MRC2: variants seen among roughly 807,000 people sequenced by gnomAD.
The protein encoded by MRC2 is C-type mannose receptor 2.
Under a neutral mutation model 206.2 loss-of-function variants are expected in MRC2, and 84 were observed. The ratio of observed to expected loss-of-function variants is 0.41; its 90% confidence interval spans 0.34 to 0.49. MRC2 has a LOEUF of 0.49. Ranked by LOEUF, MRC2 falls within the 20% of genes least tolerant of loss-of-function variation. The probability of loss-of-function intolerance (pLI) is 0.31; values close to 1 mark genes in which losing one functional copy is unlikely to be tolerated. For missense variants in MRC2, 1,676 were observed against 2,001.5 expected (o/e 0.84, Z 3.10); for synonymous variants, 798 against 800.0 (o/e 1.00, Z 0.04).
At chr17:62,630,257 C>T (rs1338018487) in intron 1 of MRC2, among the ~76,000 whole-genome samples, 1 of 152,218 alleles carries the variant, frequency 6.6e-6, no homozygotes, top group Non-Finnish European at 1.5e-5. Flanking sequence ...CCACGCTCAA[C>T]CCTTCATGTG....
Position 62,664,098 on chromosome 17 carries a change from T to C in MRC2, c.119-450T>C, listed in dbSNP as rs371535806. On this transcript the variant is annotated intron_variant, in intron 1 of 29. Transcript: ENST00000303375. The surrounding 1 kb of genome is among the most constrained non-coding windows in gnomAD (Gnocchi z 4.7). The stretch of plus-strand genomic sequence containing the variant: ...CCTCAGCCTCCCAAGTAGCTGGGAC[T>C]ACAGGCGCCCGCCACTACGCCCGGC... 1.4e-3 allele frequency among the ~76,000 whole-genome samples: 215 copies of C among 150,906 alleles called. 5 individuals are homozygous for C. The East Asian group carries it at 0.041, about 29-fold the overall frequency.
chr17:62,688,494 A>T lies in MRC2; in HGVS notation c.3062-7A>T, dbSNP rs774968718. 2 of 1,614,180 alleles carry T rather than the reference A, an allele frequency of 1.2e-6. No individual in the cohort carries two copies. The highest frequency in any genetic ancestry group is 2.2e-5 in the South Asian group (2 of 91,082). ...AGTCACTCACAACTGTCTTCTGGGG[A>T]CCATAGCATTCATCACAGCCAGCCT... is the stretch of plus-strand genomic sequence containing the variant. On this transcript the variant is annotated splice_region_variant and splice_polypyrimidine_tract_variant and intron_variant, in intron 21 of 29. Transcript: ENST00000303375.
intron 1 of MRC2, among the ~76,000 whole-genome samples, chr17:62,649,163 G>A (rs1310507458): frequency 6.6e-6 from 1 of 152,254 alleles, no homozygotes; most frequent in Non-Finnish European, 1.5e-5. Flanking sequence ...CTCCACCATG[G>A]TGCCTCCTGG....
rs1351092594 is a variant in MRC2 at position 62,689,620 on chromosome 17, C to T, written c.3433C>T (p.Arg1145Cys). 1.1e-5 allele frequency: 17 copies of T among 1,602,768 alleles called. No individual in the cohort carries two copies. Among genetic ancestry groups the T allele is most frequent in the East Asian group, 4.5e-5 (2 of 44,652 alleles). Residue 1145 changes from arginine (R) to cysteine (C), a missense_variant, in exon 24 of 30, where the codon CGC becomes TGC. Arg to Cys is a radical substitution (Grantham distance 180). Around this residue, in one of 3 missense-constraint regions of MRC2, gnomAD observed 1,354 missense variants for 1,636.6 expected, o/e 0.83. Coordinates refer to ENST00000303375, the MANE Select transcript of MRC2 (RefSeq NM_006039.5). ...GTFRLLQKPL[R>C]WHDALLLCES... is the part of the protein sequence containing the mutation. Reference sequence around the variant, plus strand: ...CTTCCGGCTGCTTCAGAAGCCGCTGCGCTGGCACGATGCCCTCCTGCTGTG... The same window carrying T: ...CTTCCGGCTGCTTCAGAAGCCGCTGTGCTGGCACGATGCCCTCCTGCTGTG...
In MRC2 at chr17:62,672,991, C is replaced by A. The variant is rs375679422; in HGVS notation, c.1461+839C>A. On this transcript the variant is annotated intron_variant, in intron 8 of 29. Transcript: ENST00000303375. This position sits in a 1 kb window ranked among gnomAD's most constrained non-coding sequence, Gnocchi z 4.5. ...TGGGTGACAGAGCAAGACCCTGTCT[C>A]AAAAAAAAAAAAATAAAATAAAAAG... Among the ~76,000 whole-genome samples, 29 of 143,406 alleles carry A rather than the reference C, an allele frequency of 2.0e-4. No homozygotes were observed. The highest frequency in any genetic ancestry group is 2.3e-4 in the South Asian group (1 of 4,422). 94.1% of individuals were successfully genotyped at this position (143,406 alleles called of 152,430 possible).
chr17:62,654,172 G>A (rs2088590788), intron 1 of MRC2, among the ~76,000 whole-genome samples: 1 of 152,140 alleles, frequency 6.6e-6, no homozygotes. Context: ...TGAAGGGAGA[G>A]AGGCTCAGAG....
rs2147476352 is a variant in MRC2, at chr17:62,675,667, T to G, written c.1570-123T>G. 1 of 744,176 alleles carries G rather than the reference T, an allele frequency of 1.3e-6. No homozygotes were observed. Among genetic ancestry groups the G allele is most frequent in the Middle Eastern group, 2.4e-4 (1 of 4,178 alleles). The allele number at this position is 744,176 out of a possible 1,614,324, so 46.1% of individuals were successfully genotyped here. A position where few individuals can be genotyped will look rare whatever the true frequency, so the allele number is the denominator to read the frequency against. On this transcript the variant is annotated intron_variant, in intron 9 of 29. Transcript: ENST00000303375. The surrounding 1 kb of genome is among the most constrained non-coding windows in gnomAD (Gnocchi z 4.1). The stretch of plus-strand genomic sequence containing the variant: ...GAACACAGCCCAGTACTCAAACCAG[T>G]CCCCTCCGTCCTGAGCACGTTCAGT...
rs769567098 is a variant in MRC2, at chr17:62,674,134, C to T, written c.1533C>T (p.Ser511=). The change falls in exon 9 of 30, where the codon AGC becomes AGT. Residue 511 remains serine, a synonymous_variant. Coordinates refer to ENST00000303375, the MANE Select transcript of MRC2 (RefSeq NM_006039.5). ...PSICKKAGQL[S]QGAAEEDHGC... ...TCTGCAAGAAGGCAGGCCAGCTGAG[C>T]CAGGGGGCCGCCGAGGAGGACCATG... is the stretch of plus-strand genomic sequence containing the variant. 7.7e-6 allele frequency: 12 copies of T among 1,554,652 alleles called. No individual in the cohort carries two copies. The East Asian group carries it at 2.9e-4, about 38-fold the overall frequency.
In MRC2 at chr17:62,664,810, T is replaced by A; in HGVS notation, c.381T>A (p.Gly127=). 6.2e-7 allele frequency: 1 copy of A among 1,613,872 alleles called. No homozygotes were observed. The highest frequency in any genetic ancestry group is 8.5e-7 in the Non-Finnish European group (1 of 1,180,014). Residue 127 remains glycine, a synonymous_variant, in exon 2 of 30, where the codon GGT becomes GGA. Transcript: ENST00000303375. The surrounding 1 kb of genome is among the most constrained non-coding windows in gnomAD (Gnocchi z 4.7). ...TTCGCTGGCATTGTCGTACACTGGGTGACCAGCTGTCCTTGCTCCTGGGGG... is the reference window on the plus strand; with the variant it reads ...TTCGCTGGCATTGTCGTACACTGGGAGACCAGCTGTCCTTGCTCCTGGGGG... ...LNLRWHCRTL[G]DQLSLLLGAR...
At chr17:62,645,163 G>A (rs965580420) in intron 1 of MRC2, among the ~76,000 whole-genome samples, 1 of 152,056 alleles carries the variant, frequency 6.6e-6, no homozygotes, top group African/African-American at 2.4e-5. Context: ...TATAATGTTT[G>A]TGTAACAAAT....
chr17:62,686,980 G>C (rs1215890472), intron 20 of MRC2, among the ~76,000 whole-genome samples: 2 of 152,168 alleles, frequency 1.3e-5, no homozygotes, highest in Non-Finnish European at 2.9e-5. Flanking sequence ...CTGGTTAAGT[G>C]CCTACTGTGT....
chr17:62,629,518 A>C (rs907972257), intron 1 of MRC2, among the ~76,000 whole-genome samples: 2 of 152,002 alleles, frequency 1.3e-5, no homozygotes, highest in Non-Finnish European at 2.9e-5. Flanking sequence ...CACTGCATTG[A>C]CCACACCCTG....
chr17:62,638,604 G>A (rs1310295200), intron 1 of MRC2, among the ~76,000 whole-genome samples: 2 of 152,060 alleles, frequency 1.3e-5, no homozygotes, highest in South Asian at 2.1e-4. Flanking sequence ...CAGGTGTGGC[G>A]ACGTGTGCCT....
intron 6 of MRC2, among the ~76,000 whole-genome samples, chr17:62,669,451 G>A (rs1470136335): frequency 2.0e-5 from 3 of 151,800 alleles, no homozygotes; most frequent in Non-Finnish European, 4.4e-5. Flanking sequence ...CCTGACCTCA[G>A]GTGATCTGCC....
rs1196135196 is a variant in MRC2 at position 62,680,716 on chromosome 17, C to T, written c.2474-84C>T. 23 of 1,399,048 alleles carry T rather than the reference C, an allele frequency of 1.6e-5. No individual in the cohort carries two copies. The highest frequency in any genetic ancestry group is 1.9e-5 in the Non-Finnish European group (21 of 1,077,792). The allele number at this position is 1,399,048 out of a possible 1,614,324, so 86.7% of individuals were successfully genotyped here. A position where few individuals can be genotyped will look rare whatever the true frequency, so the allele number is the denominator to read the frequency against. On this transcript the variant is annotated intron_variant, in intron 16 of 29. Coordinates refer to ENST00000303375, the MANE Select transcript of MRC2 (RefSeq NM_006039.5). The surrounding 1 kb of genome is among the most constrained non-coding windows in gnomAD (Gnocchi z 4.8). ...GCTCGCCTGCTGCCGCCTGGCTCTG[C>T]CCCGGCCCTGCCGCGCCCGCCTCCG...
At chr17:62,691,573 C>T (rs987704044) in intron 28 of MRC2, among the ~76,000 whole-genome samples, 1 of 152,034 alleles carries the variant, frequency 6.6e-6, no homozygotes, top group African/African-American at 2.4e-5. Context: ...GGTTCAAGAC[C>T]AGCCTGGCCA....
intron 9 of MRC2, among the ~76,000 whole-genome samples, chr17:62,674,630 G>A (rs907628893): frequency 1.3e-5 from 2 of 152,168 alleles, no homozygotes; most frequent in Non-Finnish European, 2.9e-5. Context: ...GCCACTCAGG[G>A]TGGGGCTGCA....
At chr17:62,653,004 G>A (rs1192345334) in intron 1 of MRC2, among the ~76,000 whole-genome samples, 1 of 152,126 alleles carries the variant, frequency 6.6e-6, no homozygotes, top group East Asian at 1.9e-4. Context: ...ACTGGGTTGG[G>A]GGAGAAAGGG....
chr17:62,689,053 T>A (rs765025543), intron 23 of MRC2, 93 bp downstream of exon 23: 1 of 1,032,444 alleles, frequency 9.7e-7, no homozygotes, highest in Non-Finnish European at 1.5e-6. Context: ...TCATGGTCCC[T>A]GGCAGAGCAG....
Sources: allele counts gnomAD v4.1 joint callset (sites outside exome capture counted in the v4.1 genomes callset), GRCh38; gene constraint gnomAD v4.1.1; regional missense constraint gnomAD v4.1.1; non-coding constraint Gnocchi (gnomAD v3.1); transcripts MANE v1.5; gene names NCBI Gene and HGNC (gene_info 2026-07-23, HGNC 2026-07-21).